The following VNN1 variants were observed in gnomAD, a reference collection of about 807,000 sequenced individuals.
VNN1 encodes the protein pantetheinase.
A neutral mutation model predicts 41.9 loss-of-function variants in VNN1; 29 were observed. That is an observed-to-expected ratio of 0.69 (90% CI 0.52 to 0.94). The LOEUF is 0.94. Ranked by LOEUF, VNN1 falls within the 40% of genes least tolerant of loss-of-function variation. The probability of loss-of-function intolerance (pLI) is 0.00; values close to 1 mark genes in which losing one functional copy is unlikely to be tolerated. For missense variants in VNN1, 637 were observed against 621.1 expected, an observed-to-expected ratio of 1.03 and a Z score of -0.27; for synonymous variants, 233 against 224.4, an observed-to-expected ratio of 1.04 and a Z score of -0.34.
rs1445352424 is a variant in VNN1, at chr6:132,711,826, A to G, written c.224T>C (p.Ile75Thr). 3.1e-6 allele frequency: 5 copies of G among 1,613,980 alleles called. No homozygotes were observed. The highest frequency in any genetic ancestry group is 4.5e-5 in the East Asian group (2 of 44,876). Residue 75 changes from isoleucine (I) to threonine (T), a missense_variant, in exon 2 of 7, where the codon ATT becomes ACT. Coordinates refer to ENST00000367928, the MANE Select transcript of VNN1 (RefSeq NM_004666.3). ...ATAAATAGCATCTTCTGGAGTCACA[A>G]TAATATGCGCACCCTGTTAAAAATG... ...TSAADQGAHI[I>T]VTPEDAIYGW...
chr6:132,695,910 T>A (rs1470596102), intron 2 of VNN1, among the ~76,000 whole-genome samples: 1 of 151,936 alleles, frequency 6.6e-6, no homozygotes, highest in East Asian at 1.9e-4. Flanking sequence ...GTGATAAGAT[T>A]CAAATGTCTA....
At chr6:132,689,737 C>T (rs1040362673) in intron 5 of VNN1, among the ~76,000 whole-genome samples, 1 of 152,178 alleles carries the variant, frequency 6.6e-6, no homozygotes, top group Non-Finnish European at 1.5e-5. Context: ...TGCTTAATTG[C>T]CCCTTGTATC....
At chr6:132,686,481 C>G (rs1778210963) in intron 5 of VNN1, among the ~76,000 whole-genome samples, 2 of 152,144 alleles carry the variant, frequency 1.3e-5, no homozygotes, top group Admixed American at 1.3e-4. Flanking sequence ...TCAAATTTAC[C>G]TGGAGATCCT....
At chr6:132,685,873 T>G (rs889903124) in intron 5 of VNN1, among the ~76,000 whole-genome samples, 3 of 152,162 alleles carry the variant, frequency 2.0e-5, no homozygotes, top group Admixed American at 6.5e-5. Context: ...GGTCTTTAGA[T>G]GAAAGTTTAA....
chr6:132,711,727 G>A lies in VNN1; in HGVS notation c.323C>T (p.Pro108Leu), dbSNP rs764320966. The change falls in exon 2 of 7, where the codon CCC becomes CTC. Residue 108 changes from proline (P) to leucine (L), a missense_variant. Pro to Leu is a moderately conservative substitution (Grantham distance 98). Transcript: ENST00000367928. ...TCTTTACCTGTTACGATTATTACAG[G>A]GGATCCAGTTTACTTCAGGGTCTGG... The part of the protein sequence containing the change: ...DIPDPEVNWI[P>L]CNNRNRFGQT... 24 of 1,612,322 alleles carry A rather than the reference G, an allele frequency of 1.5e-5. No homozygotes were observed. Among genetic ancestry groups the A allele is most frequent in the Non-Finnish European group, 1.5e-5 (18 of 1,179,356 alleles).
intron 2 of VNN1, among the ~76,000 whole-genome samples, chr6:132,700,534 G>A (rs1026379256): frequency 6.6e-6 from 1 of 152,046 alleles, no homozygotes; most frequent in South Asian, 2.1e-4. Context: ...CCCAAACCCT[G>A]TTCTAGTCTG....
At chr6:132,712,273 A>G (rs1358353351) in intron 1 of VNN1, among the ~76,000 whole-genome samples, 1 of 151,268 alleles carries the variant, frequency 6.6e-6, no homozygotes, top group Non-Finnish European at 1.5e-5. Flanking sequence ...CCTCAGCCTC[A>G]TAAGTAGCTA....
Position 132,694,026 on chromosome 6 carries a change from A to G in VNN1, c.498T>C (p.Phe166=), listed in dbSNP as rs1778331787. Residue 166 remains phenylalanine (F), a synonymous_variant, in exon 3 of 7, where the codon TTT becomes TTC. Transcript: ENST00000367928. ...GRYQYNTDVV[F]DSQGKLVARY... Reference sequence around the variant, plus strand: ...GTGCCACCAGTTTTCCTTGAGAATCAAATACCACATCAGTGTTGTATTGGT... The same window carrying G: ...GTGCCACCAGTTTTCCTTGAGAATCGAATACCACATCAGTGTTGTATTGGT... The G allele has an allele frequency of 6.2e-7, 1 of 1,614,194 alleles. No homozygotes were observed. The highest frequency in any genetic ancestry group is 8.5e-7 in the Non-Finnish European group (1 of 1,180,018).
intron 2 of VNN1, among the ~76,000 whole-genome samples, chr6:132,703,972 A>G (rs565432991): frequency 8.5e-5 from 13 of 152,312 alleles, no homozygotes; most frequent in African/African-American, 3.1e-4. Context: ...GAAATTAATT[A>G]TATAATGATA....
intron 5 of VNN1, among the ~76,000 whole-genome samples, chr6:132,686,700 G>C (rs1310367225): frequency 6.6e-6 from 1 of 152,036 alleles, no homozygotes; most frequent in Non-Finnish European, 1.5e-5. Context: ...ATGAGTTTTT[G>C]GTAATCCCCA....
intron 2 of VNN1, among the ~76,000 whole-genome samples, chr6:132,695,391 T>A (rs1582772129): frequency 6.6e-6 from 1 of 152,176 alleles, no homozygotes. Flanking sequence ...CAATTCCTCA[T>A]CCCCTGTCCC....
chr6:132,696,347 T>C (rs780739451), intron 2 of VNN1, among the ~76,000 whole-genome samples: 2 of 152,108 alleles, frequency 1.3e-5, no homozygotes, highest in Non-Finnish European at 2.9e-5. Context: ...CCATTGAGTG[T>C]CCAACACATG....
rs1274180031 is a variant in VNN1, at chr6:132,692,229, A to T, written c.1182T>A (p.Tyr394Ter). Residue 394 changes from tyrosine to a stop codon, truncating the protein, a stop_gained, in exon 5 of 7, where the codon TAT becomes TAA. Coordinates refer to ENST00000367928, the MANE Select transcript of VNN1 (RefSeq NM_004666.3). LOFTEE classifies it high-confidence loss of function. ...TCTGACATCAAAATATTACCTGTAG[A>T]TAATAGCGCCCTTCCACAGTGTGCA... ...DGLHTVEGRYYLQICTLLKCK... is the reference protein window; with the variant it reads ...DGLHTVEGRY 2.6e-6 allele frequency: 4 copies of T among 1,561,868 alleles called. No homozygotes were observed. Among genetic ancestry groups the T allele is most frequent in the Non-Finnish European group, 3.5e-6 (4 of 1,155,614 alleles).
intron 5 of VNN1, among the ~76,000 whole-genome samples, chr6:132,691,948 A>G (rs1041871246): frequency 6.6e-6 from 1 of 151,608 alleles, no homozygotes. Flanking sequence ...CAGAGCTTGC[A>G]GTGAGCTGAT....
intron 5 of VNN1, among the ~76,000 whole-genome samples, chr6:132,691,043 C>A (rs960041416): frequency 6.6e-6 from 1 of 152,162 alleles, no homozygotes; most frequent in African/African-American, 2.4e-5. Flanking sequence ...CCTTGAGGTT[C>A]TGCATATGCT....
Position 132,695,649 on chromosome 6 carries a change from CTTAT to C in VNN1, c.342-1471_342-1468del, listed in dbSNP as rs527289735. 4.6e-5 allele frequency among the ~76,000 whole-genome samples: 7 copies of C among 152,208 alleles called. No individual in the cohort carries two copies. The South Asian group carries it at 1.2e-3, about 27-fold the overall frequency. ...TCCAGGAGATTTAAAGAACCAGTGT[CTTAT>C]TTATTTATTTATTTTCTCTTTTTCT... On this transcript the variant is annotated intron_variant, in intron 2 of 6. Coordinates refer to ENST00000367928, the MANE Select transcript of VNN1 (RefSeq NM_004666.3).
chr6:132,698,613 A>C (rs45588132), intron 2 of VNN1, among the ~76,000 whole-genome samples: 1 of 152,174 alleles, frequency 6.6e-6, no homozygotes, highest in Non-Finnish European at 1.5e-5. Context: ...GACCCTGATG[A>C]GAGCAATATG....
At chr6:132,708,432 T>C (rs1778549842) in intron 2 of VNN1, among the ~76,000 whole-genome samples, 1 of 152,092 alleles carries the variant, frequency 6.6e-6, no homozygotes, top group Non-Finnish European at 1.5e-5. Context: ...AAATGCTAAA[T>C]AAATTAAATA....
intron 5 of VNN1, among the ~76,000 whole-genome samples, chr6:132,691,787 G>C (rs35228045): frequency 0.1 from 15,302 of 151,842 alleles, 980 homozygotes; most frequent in Middle Eastern, 0.17. Context: ...ACCTGAGCTC[G>C]GGGAGTTTGA....
Sources: allele counts gnomAD v4.1 joint callset (sites outside exome capture counted in the v4.1 genomes callset), GRCh38; gene constraint gnomAD v4.1.1; transcripts MANE v1.5; gene names NCBI Gene and HGNC (gene_info 2026-07-23, HGNC 2026-07-21).